The following MDFIC2 variants were observed in gnomAD, a reference collection of about 807,000 sequenced individuals.
The protein encoded by MDFIC2 is myoD family inhibitor domain-containing protein 2.
intron 2 of MDFIC2, among the ~76,000 whole-genome samples, chr3:70,307,505 C>A (rs1030351566): frequency 6.6e-6 from 1 of 150,994 alleles, no homozygotes; most frequent in East Asian, 1.9e-4. Context: ...CCTGTAATTT[C>A]CCCCCCCAAT....
rs187899684 is a variant in MDFIC2 at position 70,224,880 on chromosome 3, T to G, written c.89-18090A>C. ...AAAGGAGATGGCTGAAAATGTATGT[T>G]AAGTGAAAACATAATATTATACCCT... On this transcript the variant is annotated intron_variant, in intron 2 of 3. Transcript: ENST00000567252. Among the ~76,000 whole-genome samples, 19 of 152,266 alleles carry G rather than the reference T, an allele frequency of 1.2e-4. No homozygotes were observed. The East Asian group carries it at 3.3e-3, about 26-fold the overall frequency.
intron 2 of MDFIC2, among the ~76,000 whole-genome samples, chr3:70,237,751 A>G (rs1344280247): frequency 6.6e-6 from 1 of 152,240 alleles, no homozygotes; most frequent in Non-Finnish European, 1.5e-5. Context: ...TGGGCTTTGA[A>G]TAATGTGCAT....
At chr3:70,222,292 C>T (rs6796982) in intron 2 of MDFIC2, among the ~76,000 whole-genome samples, 68,755 of 151,938 alleles carry the variant, frequency 0.45, 15,813 homozygotes, top group East Asian at 0.71. Flanking sequence ...ACTTCAGGTC[C>T]TCTACTTTGG....
intron 2 of MDFIC2, among the ~76,000 whole-genome samples, chr3:70,271,383 C>G (rs1450719161): frequency 6.6e-6 from 1 of 152,140 alleles, no homozygotes; most frequent in Non-Finnish European, 1.5e-5. Flanking sequence ...TGGTGGAACT[C>G]CAATGGTTCC....
intron 2 of MDFIC2, among the ~76,000 whole-genome samples, chr3:70,311,363 A>G (rs1457239317): frequency 6.6e-6 from 1 of 152,214 alleles, no homozygotes; most frequent in African/African-American, 2.4e-5. Context: ...CATTAGGAGA[A>G]CATATTGATT....
chr3:70,239,323 A>G (rs1701642642), intron 2 of MDFIC2, among the ~76,000 whole-genome samples: 1 of 152,176 alleles, frequency 6.6e-6, no homozygotes, highest in Non-Finnish European at 1.5e-5. Flanking sequence ...TCCAAGTCTT[A>G]CCCTAGCTAT....
At chr3:70,225,078 G>A (rs1403069) in intron 2 of MDFIC2, among the ~76,000 whole-genome samples, 65,261 of 151,922 alleles carry the variant, frequency 0.43, 14,293 homozygotes, top group East Asian at 0.71. Context: ...GTGTTGGAAA[G>A]TTACAGAATA....
chr3:70,224,523 A>G (rs1014287465), intron 2 of MDFIC2, among the ~76,000 whole-genome samples: 3 of 152,170 alleles, frequency 2.0e-5, no homozygotes, highest in Admixed American at 2.0e-4. Flanking sequence ...ATAGGAAAGC[A>G]CCCTGCAGAG....
chr3:70,234,142 A>G (rs1701587126), intron 2 of MDFIC2, among the ~76,000 whole-genome samples: 1 of 152,242 alleles, frequency 6.6e-6, no homozygotes, highest in Non-Finnish European at 1.5e-5. Context: ...TCTGAGTGGG[A>G]TGTGGACAAC....
chr3:70,309,649 T>A (rs6762000), intron 2 of MDFIC2, among the ~76,000 whole-genome samples: 148,178 of 152,290 alleles, frequency 0.97, 72,106 homozygotes, highest in East Asian at 1. Context: ...CTTTTTTAAA[T>A]ATATGCCAAC....
At chr3:70,220,285 G>GC (rs1311849897) in intron 2 of MDFIC2, among the ~76,000 whole-genome samples, 2 of 151,972 alleles carry the variant, frequency 1.3e-5, no homozygotes, top group African/African-American at 4.8e-5. Context: ...CTTTCTTGAG[G>GC]CTAGGCTCAG....
chr3:70,245,156 A>G (rs910408401), intron 2 of MDFIC2, among the ~76,000 whole-genome samples: 2 of 152,172 alleles, frequency 1.3e-5, no homozygotes, highest in Non-Finnish European at 2.9e-5. Context: ...TAGAAAATAC[A>G]TTAACTATTT....
At chr3:70,198,825 C>T (rs1357292983) in intron 3 of MDFIC2, among the ~76,000 whole-genome samples, 2 of 152,196 alleles carry the variant, frequency 1.3e-5, no homozygotes, top group Non-Finnish European at 2.9e-5. Context: ...CAGCTTTTAG[C>T]GTGTGACCAA....
intron 2 of MDFIC2, among the ~76,000 whole-genome samples, chr3:70,300,821 T>C (rs888795729): frequency 4.6e-5 from 7 of 152,080 alleles, no homozygotes; most frequent in African/African-American, 1.4e-4. Context: ...GCCTACAGAA[T>C]GTAGAGGTTT....
intron 2 of MDFIC2, among the ~76,000 whole-genome samples, chr3:70,301,632 G>A (rs527566325): frequency 6.6e-5 from 10 of 152,004 alleles, no homozygotes; most frequent in Non-Finnish European, 1.2e-4. Context: ...ATCAATCTGC[G>A]TTTGCACATA....
chr3:70,286,857 TTGTC>T (rs1438543930), intron 2 of MDFIC2, among the ~76,000 whole-genome samples: 2 of 152,050 alleles, frequency 1.3e-5, no homozygotes, highest in East Asian at 3.9e-4. Context: ...GGCTCTCTGT[TTGTC>T]TGTTGTTGGT....
intron 2 of MDFIC2, among the ~76,000 whole-genome samples, chr3:70,308,053 A>G (rs1353833762): frequency 1.3e-5 from 2 of 151,776 alleles, no homozygotes; most frequent in Non-Finnish European, 2.9e-5. Context: ...CCTGGTGCAT[A>G]TATTTTATTT....
chr3:70,201,736 G>A (rs1701241287), intron 3 of MDFIC2, among the ~76,000 whole-genome samples: 1 of 152,106 alleles, frequency 6.6e-6, no homozygotes, highest in African/African-American at 2.4e-5. Context: ...CTTGAGCATG[G>A]CACAGGCCAC....
chr3:70,218,390 T>C lies in MDFIC2; in HGVS notation c.89-11600A>G, dbSNP rs149390754. Among the ~76,000 whole-genome samples the C allele has an allele frequency of 3.7e-3, 567 of 152,264 alleles. 3 individuals carry two copies. The highest frequency in any genetic ancestry group is 5.4e-3 in the Non-Finnish European group (367 of 68,012). On this transcript the variant is annotated intron_variant, in intron 2 of 3. Transcript: ENST00000567252. Reference sequence around the variant, plus strand: ...GGCTTGCTATTTTTCCCTTTTTTACTAGTAAAGGTTTATAAGCTTTACAGT... The same window carrying C: ...GGCTTGCTATTTTTCCCTTTTTTACCAGTAAAGGTTTATAAGCTTTACAGT...
Sources: gnomAD v4.1 joint callset for allele counts (sites outside exome capture counted in the v4.1 genomes callset) on GRCh38, gnomAD v4.1.1 for gene constraint, MANE v1.5 for transcripts, NCBI Gene and HGNC (gene_info 2026-07-23, HGNC 2026-07-21) for gene names.